NHS: variants seen among roughly 807,000 people sequenced by gnomAD.
NHS encodes actin remodeling regulator NHS.
NHS carries 5 observed loss-of-function variants against 72.5 expected under a neutral mutation model. The observed-to-expected ratio is 0.07, with a 90% CI of 0.04 to 0.14. The LOEUF (loss-of-function observed/expected upper bound fraction) is 0.14, where lower values mean the gene tolerates loss of function less well. Among genes scored for constraint, NHS ranks in the 10% least tolerant of loss-of-function variants. NHS has a pLI of 1.00. For synonymous variants in NHS, 464 were observed against 547.7 expected (o/e 0.85, Z 2.13); for missense variants, 1,072 against 1,355.7 (o/e 0.79, Z 3.29).
chrX:17,706,891 C>T (rs2066299594), intron 3 of NHS, among the ~76,000 whole-genome samples: 1 of 111,952 alleles, frequency 8.9e-6, no homozygotes, highest in African/African-American at 3.3e-5. Context: ...TTGGGACATG[C>T]ACTTGCTCTT....
chrX:17,650,657 A>G (rs2065926683), intron 1 of NHS, among the ~76,000 whole-genome samples: 1 of 112,007 alleles, frequency 8.9e-6, no homozygotes, highest in Non-Finnish European at 1.9e-5. Context: ...TTCTTGGTAA[A>G]TTGTCTGAGG....
intron 1 of NHS, among the ~76,000 whole-genome samples, chrX:17,531,978 A>T (rs2065200882): frequency 9.0e-6 from 1 of 110,595 alleles, no homozygotes; most frequent in Admixed American, 9.7e-5. Flanking sequence ...CTCCTGCTAG[A>T]CTGTAAGTTT....
intron 1 of NHS, among the ~76,000 whole-genome samples, chrX:17,580,866 G>A (rs1222355738): frequency 8.9e-6 from 1 of 112,666 alleles, no homozygotes; most frequent in Non-Finnish European, 1.9e-5. Context: ...AATGAATGAA[G>A]CATGCATGTC....
intron 1 of NHS, among the ~76,000 whole-genome samples, chrX:17,666,908 C>T (rs781164524): frequency 8.9e-6 from 1 of 112,397 alleles, no homozygotes; most frequent in African/African-American, 3.2e-5. Context: ...CTTCTGCCTA[C>T]ATCTCCTTAG....
chrX:17,562,511 C>A (rs2065420825), intron 1 of NHS, among the ~76,000 whole-genome samples: 1 of 111,236 alleles, frequency 9.0e-6, no homozygotes, highest in Non-Finnish European at 1.9e-5. Context: ...CTTTGGAAGT[C>A]AGGTGCAGTG....
At position 17,558,780 on chromosome X, in the gene NHS, T is replaced by C. The variant is rs143061392; in HGVS notation, c.566-128962T>C. ...GTCTCTTACCTTCCAAAATGCTATG[T>C]ACCCCTTCATGAGCAGGCTGTGCAA... On this transcript the variant is annotated intron_variant, in intron 1 of 8. Coordinates refer to ENST00000676302, the MANE Select transcript of NHS (RefSeq NM_001291867.2). Among the ~76,000 whole-genome samples the C allele has an allele frequency of 6.1e-4, 69 of 112,394 alleles. No homozygotes were observed. The East Asian group carries it at 0.018, about 30-fold the overall frequency.
intron 1 of NHS, among the ~76,000 whole-genome samples, chrX:17,570,432 T>C (rs1014489300): frequency 4.5e-5 from 5 of 112,078 alleles, no homozygotes; most frequent in Non-Finnish European, 9.4e-5. Flanking sequence ...TTTATAGCAA[T>C]TGTGAATGGG....
In NHS at chrX:17,704,545, G is replaced by A. The variant is rs1055610584; in HGVS notation, c.852+12077G>A. 5.4e-5 allele frequency among the ~76,000 whole-genome samples: 6 copies of A among 110,955 alleles called. No homozygotes were observed. The East Asian group carries it at 8.7e-4, about 16-fold the overall frequency. ...AATCTCCTGACCTCGTGATCCACCC[G>A]CCTCAGCCTCCCAAAATGCTGGGAT... On this transcript the variant is annotated intron_variant, in intron 3 of 8. Coordinates refer to ENST00000676302, the MANE Select transcript of NHS (RefSeq NM_001291867.2).
At chrX:17,611,811 T>C (rs918280445) in intron 1 of NHS, among the ~76,000 whole-genome samples, 1 of 111,530 alleles carries the variant, frequency 9.0e-6, no homozygotes, top group Non-Finnish European at 1.9e-5. Context: ...GTGAAATTTG[T>C]GTTCTCAGGG....
At chrX:17,406,585 C>T (rs376236014) in intron 1 of NHS, among the ~76,000 whole-genome samples, 1 of 111,411 alleles carries the variant, frequency 9.0e-6, no homozygotes, top group East Asian at 2.8e-4. Context: ...ACAGCAGTGT[C>T]TAGGTGGAGT....
chrX:17,634,289 A>G (rs1186277813), intron 1 of NHS, among the ~76,000 whole-genome samples: 1 of 112,433 alleles, frequency 8.9e-6, no homozygotes, highest in East Asian at 2.8e-4. Context: ...CTTGCTGCGC[A>G]TGATTAAGGA....
chrX:17,563,961 CTGTG>C (rs1241292139), intron 1 of NHS, among the ~76,000 whole-genome samples: 1 of 112,108 alleles, frequency 8.9e-6, no homozygotes, highest in Non-Finnish European at 1.9e-5. Context: ...TGACTTCTTA[CTGTG>C]TTTGTTCCTA....
intron 1 of NHS, among the ~76,000 whole-genome samples, chrX:17,397,333 A>G (rs1293335991): frequency 8.9e-6 from 1 of 112,186 alleles, no homozygotes; most frequent in Non-Finnish European, 1.9e-5. Flanking sequence ...GGGTAAAGTG[A>G]TGTGTATTGG....
At chrX:17,385,530 AATT>A (rs1208555049) in intron 1 of NHS, among the ~76,000 whole-genome samples, 1 of 111,082 alleles carries the variant, frequency 9.0e-6, no homozygotes, top group Non-Finnish European at 1.9e-5. Flanking sequence ...ATTTTTACTT[AATT>A]ATTATTATTT....
At chrX:17,386,386 C>T (rs1480841119) in intron 1 of NHS, among the ~76,000 whole-genome samples, 1 of 111,200 alleles carries the variant, frequency 9.0e-6, no homozygotes, top group South Asian at 3.8e-4. Flanking sequence ...CCAGGCCAGG[C>T]GTAGTGGCTC....
intron 1 of NHS, among the ~76,000 whole-genome samples, chrX:17,442,092 A>G (rs1033483094): frequency 2.7e-5 from 3 of 112,626 alleles, no homozygotes; most frequent in Non-Finnish European, 5.6e-5. Flanking sequence ...AAAATCACTG[A>G]CATAAACAAT....
chrX:17,511,656 T>C (rs1396413253), intron 1 of NHS, among the ~76,000 whole-genome samples: 1 of 112,225 alleles, frequency 8.9e-6, no homozygotes, highest in Non-Finnish European at 1.9e-5. Flanking sequence ...TAAGAGGTTT[T>C]GAAATGTGCA....
In NHS at chrX:17,436,186, G is replaced by C. The variant is rs1052609764; in HGVS notation, c.565+59864G>C. Among the ~76,000 whole-genome samples, 3 of 111,648 alleles carry C rather than the reference G, an allele frequency of 2.7e-5. No individual in the cohort carries two copies. In the Admixed American group the frequency reaches 2.9e-4, roughly 11 times the overall value. On this transcript the variant is annotated intron_variant, in intron 1 of 8. Coordinates refer to ENST00000676302, the MANE Select transcript of NHS (RefSeq NM_001291867.2). ...TTTTAAAAAAAACTTCAAAAAGTTG[G>C]GGCTGGGTGTTGAATTGAAGTCAGG...
intron 1 of NHS, among the ~76,000 whole-genome samples, chrX:17,533,237 A>G (rs983576593): frequency 4.5e-5 from 5 of 111,965 alleles, no homozygotes; most frequent in Non-Finnish European, 7.5e-5. Flanking sequence ...CTGTGTGCTT[A>G]AGTCCTTTAC....
Sources: allele counts gnomAD v4.1 joint callset (sites outside exome capture counted in the v4.1 genomes callset), GRCh38; gene constraint gnomAD v4.1.1; transcripts MANE v1.5; gene names NCBI Gene and HGNC (gene_info 2026-07-23, HGNC 2026-07-21).